The following NFKBID variants were observed in gnomAD, a reference collection of about 807,000 sequenced individuals.
The protein encoded by NFKBID is NF-kappa-B inhibitor delta.
NFKBID carries 26 observed loss-of-function variants against 53.4 expected under a neutral mutation model. That is an observed-to-expected ratio of 0.49 (90% CI 0.36 to 0.68). The LOEUF (loss-of-function observed/expected upper bound fraction) is 0.68. Among genes scored for constraint, NFKBID ranks in the 30% least tolerant of loss-of-function variants. NFKBID has a pLI of 0.00. For missense variants in NFKBID, 493 were observed against 614.1 expected, an observed-to-expected ratio of 0.80 and a Z score of 2.08; for synonymous variants, 262 against 259.8, an observed-to-expected ratio of 1.01 and a Z score of -0.08.
chr19:35,898,430 T>G, intron 3 of NFKBID, 42 bp downstream of exon 3: 1 of 1,330,516 alleles, frequency 7.5e-7, no homozygotes, highest in Non-Finnish European at 1.0e-6. Flanking sequence ...CTGAGTCCCT[T>G]AGGGAAGGGG....
intron 11 of NFKBID, among the ~76,000 whole-genome samples, chr19:35,889,531 G>A (rs917337413): frequency 6.6e-6 from 1 of 151,962 alleles, no homozygotes; most frequent in Non-Finnish European, 1.5e-5. Context: ...AAGGGAACAG[G>A]TAAGAGGTCA....
chr19:35,897,148 C>A, intron 4 of NFKBID, 90 bp from the exon 5 acceptor site: 2 of 1,385,164 alleles, frequency 1.4e-6, no homozygotes, highest in East Asian at 2.3e-5. Context: ...CTGAGAATTC[C>A]TCCATCCCAA....
chr19:35,900,448 G>C, exon 1 of NFKBID: 1 of 1,231,910 alleles, frequency 8.1e-7, no homozygotes, highest in Non-Finnish European at 1.0e-6. Flanking sequence ...TTACCTCGGG[G>C]ATTCCGTGGC....
intron 3 of NFKBID, among the ~76,000 whole-genome samples, chr19:35,898,068 T>C (rs1258991861): frequency 3.3e-5 from 5 of 152,024 alleles, no homozygotes; most frequent in East Asian, 1.9e-4. Context: ...TGGGGCTCCG[T>C]AGGACTATGT....
At chr19:35,888,237 G>A (rs1472708273), downstream of NFKBID, 3 of 303,296 alleles carry the variant, frequency 9.9e-6, no homozygotes, top group South Asian at 8.0e-5. Flanking sequence ...TTCTGGGAAC[G>A]AAGAGCTGAG....
intron 9 of NFKBID, among the ~76,000 whole-genome samples, chr19:35,891,948 C>T (rs116173337): frequency 0.049 from 7,491 of 151,768 alleles, 453 homozygotes; most frequent in East Asian, 0.28. Flanking sequence ...AGTGGTGTGA[C>T]CAAGGCTCAC....
At chr19:35,895,925 A>T in intron 9 of NFKBID, 55 bp downstream of exon 9, 1 of 1,553,724 alleles carries the variant, frequency 6.4e-7, no homozygotes, top group Non-Finnish European at 8.8e-7. Context: ...CGGACATCCA[A>T]GTGGCCCCAT....
chr19:35,890,405 C>T lies in NFKBID; in HGVS notation c.1118G>A (p.Arg373Gln), dbSNP rs567952756. 7.4e-6 allele frequency: 12 copies of T among 1,613,636 alleles called. No individual in the cohort carries two copies. The Admixed American group carries it at 1.0e-4, about 13-fold the overall frequency. ...GTTGACAAAGGTCCGCAGGTCTCCC[C>T]GGGGCAGCTCCAGCAGCAGCTGAAC... is the stretch of plus-strand genomic sequence containing the variant. The change falls in exon 10 of 12, where the codon CGG becomes CAG. Residue 373 changes from arginine to glutamine, a missense_variant. Physicochemically the swap from Arg to Gln is conservative, Grantham distance 43. This residue lies in a region of NFKBID where 267 missense variants were observed against 384.6 expected (regional missense o/e 0.69). Transcript: ENST00000641389.
At chr19:35,889,437 G>T (rs2146930918) in intron 11 of NFKBID, among the ~76,000 whole-genome samples, 1 of 152,300 alleles carries the variant, frequency 6.6e-6, no homozygotes, top group South Asian at 2.1e-4. Flanking sequence ...CACTGAGAAA[G>T]GGTCAGGAAG....
chr19:35,899,893 C>A lies in NFKBID; in HGVS notation c.61+549G>T, dbSNP rs1599630029. ...CCAGGTGTCCTGCTCCGAGGCGGGG[C>A]GCGCGGCCGATCGTGGCGCTCGTGG... is the stretch of plus-strand genomic sequence containing the variant. On this transcript the variant is annotated intron_variant, in intron 1 of 11. Coordinates refer to ENST00000641389, the Ensembl canonical transcript of NFKBID. 2.6e-5 allele frequency among the ~76,000 whole-genome samples: 4 copies of A among 152,146 alleles called. No individual in the cohort carries two copies. In the East Asian group the frequency reaches 7.8e-4, roughly 30 times the overall value.
At chr19:35,902,071 C>T, upstream of NFKBID, 1 of 672,212 alleles carries the variant, frequency 1.5e-6, no homozygotes, top group South Asian at 1.6e-5. Flanking sequence ...TCCAGACCAG[C>T]CTTATCCCCT....
At chr19:35,892,714 G>A (rs941629107) in intron 9 of NFKBID, among the ~76,000 whole-genome samples, 1 of 152,038 alleles carries the variant, frequency 6.6e-6, no homozygotes, top group Non-Finnish European at 1.5e-5. Flanking sequence ...CCAATATAAA[G>A]CCAATCTTTT....
intron 1 of NFKBID, among the ~76,000 whole-genome samples, chr19:35,899,352 G>A (rs1363664038): frequency 3.3e-5 from 5 of 152,030 alleles, no homozygotes; most frequent in African/African-American, 1.2e-4. Context: ...GGCCAAGGGG[G>A]GCGGATCACC....
rs1395854214 is a variant in NFKBID at position 35,897,599 on chromosome 19, AC to A, written c.432+51del. ...CATCTCAGAATACTGCAGGAGTGCA[AC>A]TGCGAATTTTTAGGGGCCCTTCAGC... is the stretch of plus-strand genomic sequence containing the variant. On this transcript the variant is annotated intron_variant, in intron 4 of 11. Transcript: ENST00000641389. 7.8e-6 allele frequency: 7 copies of A among 898,372 alleles called. No individual in the cohort carries two copies. In the Admixed American group the frequency reaches 1.2e-4, roughly 16 times the overall value. The allele number at this position is 898,372 out of a possible 1,614,324, so 55.7% of individuals were successfully genotyped here.
At chr19:35,901,762 G>A (rs1975573760), upstream of NFKBID, 1 of 175,730 alleles carries the variant, frequency 5.7e-6, no homozygotes, top group Non-Finnish European at 1.2e-5. Flanking sequence ...GTAGAGACGG[G>A]GTTTCACCAT....
chr19:35,895,932 C>T (rs1322248698), intron 9 of NFKBID, 48 bp downstream of exon 9: 2 of 1,573,434 alleles, frequency 1.3e-6, no homozygotes, highest in African/African-American at 2.7e-5. Context: ...CCAAGTGGCC[C>T]CATTCCACAC....
At chr19:35,898,977 AG>A in intron 1 of NFKBID, among the ~76,000 whole-genome samples, 155 bp from the exon 2 acceptor site, 1 of 152,166 alleles carries the variant, frequency 6.6e-6, no homozygotes, top group Non-Finnish European at 1.5e-5. Context: ...CAAAGCCATT[AG>A]AAGATTTGGG....
intron 3 of NFKBID, 76 bp downstream of exon 3, chr19:35,898,396 C>T: frequency 1.1e-6 from 1 of 950,596 alleles, no homozygotes; most frequent in Non-Finnish European, 1.6e-6. Context: ...CCCAGGTGTC[C>T]CAAAGTTCTG....
upstream of NFKBID, chr19:35,902,174 C>G (rs764002071): frequency 2.4e-5 from 17 of 702,964 alleles, no homozygotes; most frequent in Non-Finnish European, 3.6e-5. Context: ...TCACTTTCCC[C>G]GCAAACCCAC....
Sources: gnomAD v4.1 joint callset for allele counts (sites outside exome capture counted in the v4.1 genomes callset) on GRCh38, gnomAD v4.1.1 for gene constraint, gnomAD v4.1.1 regional missense constraint, MANE v1.5 for transcripts, NCBI Gene and HGNC (gene_info 2026-07-23, HGNC 2026-07-21) for gene names.